Variants in FGD4 observed in about 807,000 individuals in gnomAD.
FGD4 encodes FYVE, RhoGEF and PH domain-containing protein 4.
FGD4 carries 42 observed loss-of-function variants against 102.0 expected under a neutral mutation model. That is an observed-to-expected ratio of 0.41 (90% CI 0.32 to 0.53). The LOEUF (loss-of-function observed/expected upper bound fraction) is 0.53, where lower values mean the gene tolerates loss of function less well. Ranked by LOEUF, FGD4 falls within the 20% of genes least tolerant of loss-of-function variation. The pLI is 0.21. For missense variants in FGD4, 902 were observed against 1,078.2 expected (o/e 0.84, Z 2.29); for synonymous variants, 380 against 375.7 (o/e 1.01, Z -0.13).
At chr12:32,594,597 AC>A (rs1274001154) in intron 4 of FGD4, among the ~76,000 whole-genome samples, 1 of 152,230 alleles carries the variant, frequency 6.6e-6, no homozygotes, top group Non-Finnish European at 1.5e-5. Context: ...ACTGTCTTCC[AC>A]AGAACCGGTC....
intron 1 of FGD4, among the ~76,000 whole-genome samples, chr12:32,462,958 T>C (rs1028528685): frequency 3.3e-5 from 5 of 152,202 alleles, no homozygotes; most frequent in African/African-American, 1.2e-4. Flanking sequence ...TGTGGGGGGA[T>C]TTTAAGCTAA....
At chr12:32,610,197 G>A (rs58852241) in intron 8 of FGD4, among the ~76,000 whole-genome samples, 1 of 152,208 alleles carries the variant, frequency 6.6e-6, no homozygotes, top group African/African-American at 2.4e-5. Context: ...GCATAGCTGT[G>A]TGACCTCAGC....
intron 7 of FGD4, among the ~76,000 whole-genome samples, chr12:32,602,703 T>C (rs921086081): frequency 6.6e-6 from 1 of 152,244 alleles, no homozygotes; most frequent in Admixed American, 6.5e-5. Context: ...TGTCACTTGA[T>C]ATCTGTGTCC....
At chr12:32,408,261 C>T (rs1187255685) in intron 1 of FGD4, among the ~76,000 whole-genome samples, 7 of 151,544 alleles carry the variant, frequency 4.6e-5, no homozygotes, top group Non-Finnish European at 5.9e-5. Flanking sequence ...CTCTGCCTCC[C>T]GGGTTCAAGC....
intron 4 of FGD4, among the ~76,000 whole-genome samples, chr12:32,587,422 G>T (rs1326511539): frequency 6.6e-6 from 1 of 151,664 alleles, no homozygotes; most frequent in African/African-American, 2.4e-5. Flanking sequence ...TCGGTCTGTT[G>T]CCCAGGCTGC....
At chr12:32,577,016 T>C (rs35861269) in intron 3 of FGD4, among the ~76,000 whole-genome samples, 21,007 of 152,170 alleles carry the variant, frequency 0.14, 1,636 homozygotes, top group Middle Eastern at 0.21. Context: ...AATGACAAAA[T>C]GTATGCTAAA....
intron 4 of FGD4, among the ~76,000 whole-genome samples, chr12:32,590,746 T>C (rs1947407323): frequency 6.6e-6 from 1 of 152,230 alleles, no homozygotes; most frequent in Non-Finnish European, 1.5e-5. Flanking sequence ...AGATAACTCA[T>C]GTGCAGTACA....
chr12:32,419,014 G>A (rs565094424), intron 1 of FGD4, among the ~76,000 whole-genome samples: 5 of 152,210 alleles, frequency 3.3e-5, no homozygotes, highest in African/African-American at 1.2e-4. Context: ...GCTTATGGGG[G>A]GGTTCTGCCA....
At chr12:32,600,694 A>T (rs1948368190) in intron 5 of FGD4, among the ~76,000 whole-genome samples, 1 of 149,956 alleles carries the variant, frequency 6.7e-6, no homozygotes, top group African/African-American at 2.5e-5. Flanking sequence ...ATTATTTACT[A>T]AAAAGCAGGT....
intron 15 of FGD4, among the ~76,000 whole-genome samples, chr12:32,637,373 G>T (rs1034819342): frequency 2.6e-5 from 4 of 151,706 alleles, no homozygotes; most frequent in Non-Finnish European, 5.9e-5. Flanking sequence ...AAGGCAGGCA[G>T]ATCACGAGGT....
At chr12:32,535,685 C>G (rs1050613987) in intron 1 of FGD4, among the ~76,000 whole-genome samples, 1 of 151,964 alleles carries the variant, frequency 6.6e-6, no homozygotes, top group African/African-American at 2.4e-5. Flanking sequence ...TTTTCTCACC[C>G]CAAGCAGTGA....
intron 1 of FGD4, among the ~76,000 whole-genome samples, chr12:32,416,277 G>C (rs1182708819): frequency 6.6e-6 from 1 of 152,238 alleles, no homozygotes; most frequent in Non-Finnish European, 1.5e-5. Flanking sequence ...TGGGATTACA[G>C]GTGTGAGCGA....
chr12:32,506,129 T>C lies in FGD4; in HGVS notation c.167-58008T>C, dbSNP rs1275720984. ...GCATTGCATGTTGAATGCAAACACG[T>C]AGGGCAAGATCAGCTTAACATCCTA... On this transcript the variant is annotated intron_variant, in intron 1 of 16. Transcript: ENST00000534526. The surrounding 1 kb of genome is among the most constrained non-coding windows in gnomAD (Gnocchi z 4.5). 1.3e-5 allele frequency among the ~76,000 whole-genome samples: 2 copies of C among 152,184 alleles called. No individual in the cohort carries two copies. Among genetic ancestry groups the C allele is most frequent in the African/African-American group, 2.4e-5 (1 of 41,440 alleles).
intron 11 of FGD4, among the ~76,000 whole-genome samples, chr12:32,621,711 G>A (rs533854797): frequency 5.5e-4 from 83 of 152,212 alleles, no homozygotes; most frequent in African/African-American, 1.9e-3. Context: ...TTTCCTTAGG[G>A]AGCAGGTAGC....
intron 1 of FGD4, among the ~76,000 whole-genome samples, chr12:32,427,969 A>G (rs1000677433): frequency 4.6e-5 from 7 of 152,022 alleles, no homozygotes; most frequent in African/African-American, 9.7e-5. Flanking sequence ...TGCATGTGAG[A>G]TGGATCTCCT....
intron 1 of FGD4, among the ~76,000 whole-genome samples, chr12:32,438,950 G>T (rs889598310): frequency 6.6e-6 from 1 of 152,092 alleles, no homozygotes; most frequent in African/African-American, 2.4e-5. Flanking sequence ...GGAATGATTC[G>T]ATCGATTTGA....
chr12:32,469,598 A>C (rs1943360882), intron 1 of FGD4, among the ~76,000 whole-genome samples: 1 of 151,644 alleles, frequency 6.6e-6, no homozygotes, highest in Admixed American at 6.6e-5. Context: ...ATCTTTTTAA[A>C]GACAACATAG....
chr12:32,631,756 G>T (rs1249162408), intron 14 of FGD4, among the ~76,000 whole-genome samples: 1 of 151,922 alleles, frequency 6.6e-6, no homozygotes, highest in African/African-American at 2.4e-5. Context: ...TGCCTGCTTT[G>T]GCCTCCCAAA....
At chr12:32,433,269 T>C (rs1339458011) in intron 1 of FGD4, among the ~76,000 whole-genome samples, 1 of 152,212 alleles carries the variant, frequency 6.6e-6, no homozygotes, top group Admixed American at 6.5e-5. Context: ...AGTGCTGGGA[T>C]TGAGCCACCA....
Sources: allele counts gnomAD v4.1 joint callset (sites outside exome capture counted in the v4.1 genomes callset), GRCh38; gene constraint gnomAD v4.1.1; non-coding constraint Gnocchi (gnomAD v3.1); transcripts MANE v1.5; gene names NCBI Gene and HGNC (gene_info 2026-07-23, HGNC 2026-07-21).